Variants in CBLN2 observed in about 807,000 individuals in gnomAD.
The protein encoded by CBLN2 is cerebellin 2 precursor.
In CBLN2, 7 loss-of-function variants were observed where a neutral mutation model predicts 15.0. The observed-to-expected ratio is 0.47, with a 90% confidence interval of 0.27 to 0.88. CBLN2 has a LOEUF of 0.88. Ranked by LOEUF, CBLN2 falls within the 40% of genes least tolerant of loss-of-function variation. CBLN2 has a pLI of 0.14. For synonymous variants in CBLN2, 149 were observed against 135.2 expected, an observed-to-expected ratio of 1.10 and a Z score of -0.71; for missense variants, 242 against 304.5, an observed-to-expected ratio of 0.79 and a Z score of 1.53.
rs2069122142 is a variant in CBLN2 at position 72,542,333 on chromosome 18, G to A, written c.-166-7C>T. 1 of 313,244 alleles carries A rather than the reference G, an allele frequency of 3.2e-6. No homozygotes were observed. The highest frequency in any genetic ancestry group is 5.2e-5 in the Admixed American group (1 of 19,176). The allele number at this position is 313,244 out of a possible 1,614,324, so 19.4% of individuals were successfully genotyped here. Reference sequence around the variant, plus strand: ...AAGAAAGGCGCCTGTGAACCTGTCAGGGCACAGAACCCAAAGCCTTACACC... The same window carrying A: ...AAGAAAGGCGCCTGTGAACCTGTCAAGGCACAGAACCCAAAGCCTTACACC... On this transcript the variant is annotated splice_polypyrimidine_tract_variant and splice_region_variant and intron_variant, in intron 2 of 4. Transcript: ENST00000269503.
intron 1 of CBLN2, among the ~76,000 whole-genome samples, chr18:72,603,770 A>G (rs1178268437): frequency 6.6e-6 from 1 of 152,282 alleles, no homozygotes; most frequent in East Asian, 1.9e-4. Flanking sequence ...CAAACCATAC[A>G]ACCTAAACTT....
intron 1 of CBLN2, among the ~76,000 whole-genome samples, chr18:72,615,054 T>TAAAA (rs2069647857): frequency 2.2e-5 from 3 of 138,166 alleles, no homozygotes; most frequent in Non-Finnish European, 4.6e-5. Flanking sequence ...TATATATATA[T>TAAAA]ATAAATATAT....
chr18:72,546,753 A>G (rs1417346404), upstream of CBLN2, among the ~76,000 whole-genome samples: 1 of 152,224 alleles, frequency 6.6e-6, no homozygotes, highest in Non-Finnish European at 1.5e-5. Context: ...TGGTAAAGAC[A>G]GGTGTTCACA....
At position 72,538,188 on chromosome 18, in the gene CBLN2, C is replaced by G. The variant is rs371750538; in HGVS notation, c.663G>C (p.Val221=). 3 of 1,614,112 alleles carry G rather than the reference C, an allele frequency of 1.9e-6. No homozygotes were observed. Among genetic ancestry groups the G allele is most frequent in the Non-Finnish European group, 2.5e-6 (3 of 1,180,008 alleles). Residue 221 remains valine, a synonymous_variant, in exon 5 of 5, where the codon GTG becomes GTC. Transcript: ENST00000269503. ...GGGGGCTCTGTGTTTATAGAGGAAA[C>G]ACCAAGAAGCCCGAGAATGTGGAGT... ...WKYSTFSGFL[V]FPL is the part of the protein sequence containing the mutation.
chr18:72,580,598 T>A (rs1259497940), intron 1 of CBLN2, among the ~76,000 whole-genome samples: 3 of 152,212 alleles, frequency 2.0e-5, no homozygotes, highest in Non-Finnish European at 2.9e-5. Context: ...TATATATATA[T>A]ACATTTTGCC....
intron 1 of CBLN2, among the ~76,000 whole-genome samples, chr18:72,634,392 A>G (rs1403568972): frequency 6.6e-6 from 1 of 152,076 alleles, no homozygotes; most frequent in East Asian, 1.9e-4. Flanking sequence ...TCAATTAAAT[A>G]TTGTTTATTC....
intron 3 of CBLN2, among the ~76,000 whole-genome samples, chr18:72,541,210 C>A (rs928908002): frequency 6.6e-6 from 1 of 151,874 alleles, no homozygotes; most frequent in Non-Finnish European, 1.5e-5. Flanking sequence ...GTATATATTT[C>A]ATTTACTATA....
chr18:72,630,958 AT>A (rs998607825), intron 1 of CBLN2: 1 of 152,162 alleles, frequency 6.6e-6, no homozygotes, highest in Non-Finnish European at 1.5e-5. Context: ...CCGTTATTAA[AT>A]TGTTTCTGGC....
At chr18:72,626,205 G>T (rs2069738484) in intron 1 of CBLN2, among the ~76,000 whole-genome samples, 2 of 151,944 alleles carry the variant, frequency 1.3e-5, no homozygotes, top group Admixed American at 1.3e-4. Flanking sequence ...TTACAAAGAA[G>T]AATAAGAAAT....
At chr18:72,573,112 T>C (rs1056861781) in intron 1 of CBLN2, among the ~76,000 whole-genome samples, 2 of 152,134 alleles carry the variant, frequency 1.3e-5, no homozygotes, top group Non-Finnish European at 2.9e-5. Context: ...AGGAAAGATA[T>C]CAACATTGTA....
At chr18:72,575,295 A>C (rs549379602) in intron 1 of CBLN2, among the ~76,000 whole-genome samples, 23 of 152,224 alleles carry the variant, frequency 1.5e-4, no homozygotes, top group African/African-American at 5.3e-4. Context: ...AGATCATCAG[A>C]AGAGAGGATT....
At chr18:72,607,345 C>G (rs138798237) in intron 1 of CBLN2, among the ~76,000 whole-genome samples, 28 of 152,272 alleles carry the variant, frequency 1.8e-4, no homozygotes, top group Middle Eastern at 3.4e-3. Flanking sequence ...TAGGTTAGCA[C>G]CTGGGAAGGC....
rs1305652524 is a variant in CBLN2 at position 72,544,100 on chromosome 18, A to C, written c.-335T>G. ...TTTCCCCAATTCCCTCCAAGTCTTAATATTGAATGGCGTGACCACTTTCAT... is the reference window on the plus strand; with the variant it reads ...TTTCCCCAATTCCCTCCAAGTCTTACTATTGAATGGCGTGACCACTTTCAT... On this transcript the variant is annotated 5_prime_UTR_variant, in exon 1 of 5. Transcript: ENST00000269503. The C allele has an allele frequency of 6.6e-6, 1 of 151,978 alleles. No homozygotes were observed. The highest frequency in any genetic ancestry group is 2.4e-5 in the African/African-American group (1 of 41,378). 9.4% of individuals were successfully genotyped at this position (151,978 alleles called of 1,614,324 possible).
intron 1 of CBLN2, among the ~76,000 whole-genome samples, chr18:72,556,867 A>C (rs1007698327): frequency 7.9e-5 from 12 of 152,158 alleles, no homozygotes; most frequent in Non-Finnish European, 1.5e-4. Flanking sequence ...GGAAAAAAAA[A>C]CTCTTAAAAC....
At chr18:72,573,639 G>T (rs1019583330) in intron 1 of CBLN2, among the ~76,000 whole-genome samples, 3 of 152,036 alleles carry the variant, frequency 2.0e-5, no homozygotes, top group African/African-American at 7.2e-5. Context: ...TTTCTTTTTA[G>T]CACTGAATAA....
chr18:72,596,858 G>A (rs1011889951), intron 1 of CBLN2, among the ~76,000 whole-genome samples: 4 of 151,952 alleles, frequency 2.6e-5, no homozygotes, highest in African/African-American at 9.7e-5. Flanking sequence ...TCTTTTCCTT[G>A]ACTTTTGGAA....
At chr18:72,585,310 C>A (rs189659850) in intron 1 of CBLN2, among the ~76,000 whole-genome samples, 3 of 152,294 alleles carry the variant, frequency 2.0e-5, no homozygotes, top group Non-Finnish European at 2.9e-5. Context: ...GAGTTCCTGT[C>A]CTGCATCCAG....
At position 72,540,868 on chromosome 18, in the gene CBLN2, C is replaced by T. The variant is rs188980280; in HGVS notation, c.357+936G>A. Among the ~76,000 whole-genome samples the T allele has an allele frequency of 7.2e-5, 11 of 152,280 alleles. No individual in the cohort carries two copies. The East Asian group carries it at 1.5e-3, about 21-fold the overall frequency. ...TGGTAGGTTGTCAGTGACTGCCAGG[C>T]GCCCCATTCCGTGGGAAACACTTTG... is the stretch of plus-strand genomic sequence containing the variant. On this transcript the variant is annotated intron_variant, in intron 3 of 4. Coordinates refer to ENST00000269503, the MANE Select transcript of CBLN2 (RefSeq NM_182511.4).
intron 1 of CBLN2, chr18:72,631,141 G>C (rs536012945): frequency 9.9e-5 from 15 of 152,256 alleles, no homozygotes; most frequent in Admixed American, 8.5e-4. Context: ...TTTTAGTAAA[G>C]AGACTGCTCC....
Sources: gnomAD v4.1 joint callset for allele counts (sites outside exome capture counted in the v4.1 genomes callset) on GRCh38, gnomAD v4.1.1 for gene constraint, MANE v1.5 for transcripts, NCBI Gene and HGNC (gene_info 2026-07-23, HGNC 2026-07-21) for gene names.